The following SRPK3 variants were observed in gnomAD, a reference collection of about 807,000 sequenced individuals.
SRPK3 encodes SRSF protein kinase 3.
A neutral mutation model predicts 45.3 loss-of-function variants in SRPK3; 26 were observed. The observed-to-expected ratio is 0.57, with a 90% confidence interval of 0.42 to 0.80. The LOEUF is 0.80. Ranked by LOEUF, SRPK3 falls within the 30% of genes least tolerant of loss-of-function variation. The pLI is 0.00. For missense variants in SRPK3, 536 were observed against 514.5 expected (o/e 1.04, Z -0.40); for synonymous variants, 254 against 226.6 (o/e 1.12, Z -1.09).
Position 153,782,760 on chromosome X carries a change from C to G in SRPK3, c.476-12C>G, listed in dbSNP as rs2092059236. The G allele has an allele frequency of 8.4e-7, 1 of 1,193,821 alleles. No homozygotes were observed. The highest frequency in any genetic ancestry group is 1.8e-5 in the South Asian group (1 of 54,704). The stretch of plus-strand genomic sequence containing the variant: ...GCTGGTGTCCACTGGCCGCCCTTCA[C>G]TCCCAGCCCAGATGTGTGCATGGTG... On this transcript the variant is annotated splice_polypyrimidine_tract_variant and intron_variant, in intron 5 of 14. Coordinates refer to ENST00000370101, the MANE Select transcript of SRPK3 (RefSeq NM_014370.4).
rs1406608476 is a variant in SRPK3, at chrX:153,785,606, C to T, written c.*86C>T. On this transcript the variant is annotated 3_prime_UTR_variant, in exon 15 of 15. Coordinates refer to ENST00000370101, the MANE Select transcript of SRPK3 (RefSeq NM_014370.4). ...ACCACCCTGCTGGGCGCCAGTTCTC[C>T]ACAACCACAGGGCAGAGAGACGCTG... is the stretch of plus-strand genomic sequence containing the variant. 1 of 1,096,402 alleles carries T rather than the reference C, an allele frequency of 9.1e-7. No individual in the cohort carries two copies. Among genetic ancestry groups the T allele is most frequent in the Non-Finnish European group, 1.2e-6 (1 of 813,844 alleles). The allele number at this position is 1,096,402 out of a possible 1,213,427, so 90.4% of individuals were successfully genotyped here. A position where few individuals can be genotyped will look rare whatever the true frequency, so the allele number is the denominator to read the frequency against.
intron 2 of SRPK3, 79 bp downstream of exon 2, chrX:153,781,425 A>G: frequency 8.5e-7 from 1 of 1,174,134 alleles, no homozygotes; most frequent in Non-Finnish European, 1.1e-6. Flanking sequence ...CATGGGCCAG[A>G]TGGTCAATGG....
chrX:153,781,059 C>T lies in SRPK3; in HGVS notation c.-28C>T, dbSNP rs1027580329. ...GCCCCACAGGAGCAGCCGCCCGGGG[C>T]ACCGGAGCTGCGGGCTGCGTGGCCG... On this transcript the variant is annotated 5_prime_UTR_variant, in exon 1 of 15. Coordinates refer to ENST00000370101, the MANE Select transcript of SRPK3 (RefSeq NM_014370.4). 107 of 1,039,038 alleles carry T rather than the reference C, an allele frequency of 1.0e-4. No individual in the cohort carries two copies. The highest frequency in any genetic ancestry group is 1.3e-4 in the Non-Finnish European group (104 of 816,673). The allele number at this position is 1,039,038 out of a possible 1,213,427, so 85.6% of individuals were successfully genotyped here.
rs781924438 is a variant in SRPK3 at position 153,781,733 on chromosome X, G to A, written c.300-10G>A. On this transcript the variant is annotated splice_polypyrimidine_tract_variant and intron_variant, in intron 3 of 14. Coordinates refer to ENST00000370101, the MANE Select transcript of SRPK3 (RefSeq NM_014370.4). ...CAGGGCCACAGCCTACAAGGGTCTCGGTATTGCAGGCGCAAGCGCTTTGTG... is the reference window on the plus strand; with the variant it reads ...CAGGGCCACAGCCTACAAGGGTCTCAGTATTGCAGGCGCAAGCGCTTTGTG... 8 of 1,209,846 alleles carry A rather than the reference G, an allele frequency of 6.6e-6. No individual in the cohort carries two copies. Among genetic ancestry groups the A allele is most frequent in the Admixed American group, 2.2e-5 (1 of 45,964 alleles).
At position 153,784,190 on chromosome X, in the gene SRPK3, C is replaced by T. The variant is rs1557068080; in HGVS notation, c.1124C>T (p.Thr375Ile). 2 of 1,210,902 alleles carry T rather than the reference C, an allele frequency of 1.7e-6. No individual in the cohort carries two copies. The highest frequency in any genetic ancestry group is 1.7e-5 in the African/African-American group (1 of 57,892). ...TCCGGCTCGTCCAATCAGCGAGAGA[C>T]CGGGGGCCTCCTGTCGCCTAGCAGT... ...ILSGSSNQRETGGLLSPSTPF... is the reference protein window; with the variant it reads ...ILSGSSNQREIGGLLSPSTPF... Residue 375 changes from threonine (T) to isoleucine (I), a missense_variant, in exon 10 of 15, where the codon ACC (threonine) becomes ATC (isoleucine). Thr to Ile is a moderately conservative substitution (Grantham distance 89, BLOSUM62 -1). Transcript: ENST00000370101.
intron 6 of SRPK3, 23 bp downstream of exon 6, chrX:153,782,901 C>T (rs2092059918): frequency 3.3e-6 from 4 of 1,199,330 alleles, no homozygotes; most frequent in Non-Finnish European, 4.5e-6. Context: ...CACTGGGCTG[C>T]CCAGCCTGGC....
intron 4 of SRPK3, 56 bp from the exon 5 acceptor site, chrX:153,782,065 G>A: frequency 9.2e-7 from 1 of 1,083,111 alleles, no homozygotes; most frequent in African/African-American, 1.8e-5. Flanking sequence ...ACTGAAGGGA[G>A]CTGTGGGCTT....
At position 153,784,405 on chromosome X, in the gene SRPK3, G is replaced by A. The variant is rs1557068227; in HGVS notation, c.1248+11G>A. The A allele has an allele frequency of 1.7e-6, 2 of 1,203,603 alleles. No individual in the cohort carries two copies. Among genetic ancestry groups the A allele is most frequent in the Non-Finnish European group, 2.2e-6 (2 of 890,571 alleles). ...AACGCCTGCTGGGTGGTATGAGCAA[G>A]TGTGGGAGAGCAGAGTGGGGGGCCC... On this transcript the variant is annotated intron_variant, in intron 11 of 14. Transcript: ENST00000370101.
rs782415471 is a variant in SRPK3 at position 153,785,627 on chromosome X, C to T, written c.*107C>T. ...TCTCCACAACCACAGGGCAGAGAGA[C>T]GCTGGAGCCAGGCCCGGCTCTCAGA... On this transcript the variant is annotated 3_prime_UTR_variant, in exon 15 of 15. Coordinates refer to ENST00000370101, the MANE Select transcript of SRPK3 (RefSeq NM_014370.4). 4.5e-5 allele frequency: 46 copies of T among 1,020,392 alleles called. No individual in the cohort carries two copies. The highest frequency in any genetic ancestry group is 1.5e-4 in the African/African-American group (8 of 52,855). 84.1% of individuals were successfully genotyped at this position (1,020,392 alleles called of 1,213,427 possible).
rs782043348 is a variant in SRPK3, at chrX:153,783,104, C to A, written c.734C>A (p.Pro245His). The change falls in exon 7 of 15, where the codon CCC becomes CAC. Residue 245 changes from proline to histidine, a missense_variant. Physicochemically the swap from Pro to His is moderately conservative, Grantham distance 77. Transcript: ENST00000370101. The stretch of plus-strand genomic sequence containing the variant: ...TGGCAACAGGCAGGGGCGCCGCCCC[C>A]CTCCCGCTCCATAGGTACCAAGGGC... ...TEWQQAGAPP[P>H]SRSIVSTAPQ... 4.3e-6 allele frequency: 5 copies of A among 1,164,281 alleles called. No homozygotes were observed. The highest frequency in any genetic ancestry group is 3.0e-5 in the East Asian group (1 of 33,325).
rs376127813 is a variant in SRPK3, at chrX:153,784,104, G to A, written c.1038G>A (p.Ala346=). 16 of 1,209,377 alleles carry A rather than the reference G, an allele frequency of 1.3e-5. No homozygotes were observed. Among genetic ancestry groups the A allele is most frequent in the African/African-American group, 1.2e-4 (7 of 57,364 alleles). Residue 346 remains alanine, a synonymous_variant, in exon 10 of 15, where the codon GCG becomes GCA. Transcript: ENST00000370101. ...CAGGGGGCGGCCGTAGCCTCAGCGC[G>A]GGCTCACAGACCTCAGGCTTCTCCG... ...PAPGGGRSLS[A]GSQTSGFSGS...
At chrX:153,781,380 G>A (rs2092050873) in intron 2 of SRPK3, 34 bp downstream of exon 2, 5 of 1,173,241 alleles carry the variant, frequency 4.3e-6, no homozygotes, top group Non-Finnish European at 4.6e-6. Flanking sequence ...GCGGCCTCAC[G>A]GCCACTGCAG....
chrX:153,782,739 G>T lies in SRPK3; in HGVS notation c.476-33G>T, dbSNP rs781870624. The T allele has an allele frequency of 1.3e-5, 15 of 1,165,308 alleles. No homozygotes were observed. In the African/African-American group the frequency reaches 2.5e-4, roughly 19 times the overall value. The stretch of plus-strand genomic sequence containing the variant: ...GTGGGTGGGGCCTGTGCCGCAGCTG[G>T]TGTCCACTGGCCGCCCTTCACTCCC... On this transcript the variant is annotated intron_variant, in intron 5 of 14. Transcript: ENST00000370101.
chrX:153,785,562 GA>G lies in SRPK3; in HGVS notation c.*46del. ...ACCTCCAGCTCTCCGTGCCTTAAGG[GA>G]AAAGCGGGACAGCTCCCACCACCCT... On this transcript the variant is annotated 3_prime_UTR_variant, in exon 15 of 15. Transcript: ENST00000370101. 1 of 1,179,522 alleles carries G rather than the reference GA, an allele frequency of 8.5e-7. No homozygotes were observed. The highest frequency in any genetic ancestry group is 1.1e-6 in the Non-Finnish European group (1 of 873,896).
rs781858431 is a variant in SRPK3, at chrX:153,781,992, A to T, written c.388-129A>T. ...GGGGGAGGATCTGGAGGAACAGGCG[A>T]GGGACAGGAGGGGTTGGCGGCCTTT... On this transcript the variant is annotated intron_variant, in intron 4 of 14. Coordinates refer to ENST00000370101, the MANE Select transcript of SRPK3 (RefSeq NM_014370.4). 244 of 851,662 alleles carry T rather than the reference A, an allele frequency of 2.9e-4. 4 individuals carry two copies. The South Asian group carries it at 5.0e-3, about 17-fold the overall frequency. 70.2% of individuals were successfully genotyped at this position (851,662 alleles called of 1,213,427 possible).
rs1569542426 is a variant in SRPK3, at chrX:153,781,546, C to T, written c.232C>T (p.Arg78Trp). ...GAAGATCGGCGACGTGTTCAATGGG[C>T]GGTACCACGTGGTGCGCAAACTGGG... Reference protein sequence around the residue: ...PVKIGDVFNGRYHVVRKLGWG... With the variant: ...PVKIGDVFNGWYHVVRKLGWG... The change falls in exon 3 of 15, where the codon CGG becomes TGG. Residue 78 changes from arginine (R) to tryptophan (W), a missense_variant. Arg to Trp is a moderately radical substitution (Grantham distance 101). Transcript: ENST00000370101. 4 of 1,209,502 alleles carry T rather than the reference C, an allele frequency of 3.3e-6. No homozygotes were observed. The highest frequency in any genetic ancestry group is 2.2e-6 in the Non-Finnish European group (2 of 895,008).
Position 153,784,314 on chromosome X carries a change from C to T in SRPK3, c.1168C>T (p.Leu390Phe). The change falls in exon 11 of 15, where the codon CTC becomes TTC. Residue 390 changes from leucine (L) to phenylalanine (F), a missense_variant. Transcript: ENST00000370101. ...SPSTPFGASN[L>F]LVNPLEPQNA... ...CCCAGCACCATTCGGTGCCTCGAAC[C>T]TCCTGGTGAACCCCCTGGAGCCCCA... 1.7e-6 allele frequency: 2 copies of T among 1,211,651 alleles called. No individual in the cohort carries two copies. Among genetic ancestry groups the T allele is most frequent in the Non-Finnish European group, 2.2e-6 (2 of 895,593 alleles).
chrX:153,784,773 C>T lies in SRPK3; in HGVS notation c.1272C>T (p.Ile424=), dbSNP rs1557068387. The T allele has an allele frequency of 2.5e-6, 3 of 1,210,628 alleles. No homozygotes were observed. Among genetic ancestry groups the T allele is most frequent in the Non-Finnish European group, 2.2e-6 (2 of 895,413 alleles). Residue 424 remains isoleucine, a synonymous_variant, in exon 12 of 15, where the codon ATC becomes ATT. Transcript: ENST00000370101. Reference sequence around the variant, plus strand: ...AGCACAAGCACTTCACGGAAGACATCCAGACTCGGCAGTACCGGGCCGTCG... The same window carrying T: ...AGCACAAGCACTTCACGGAAGACATTCAGACTCGGCAGTACCGGGCCGTCG... ...CWVHKHFTED[I]QTRQYRAVEV...
In SRPK3 at chrX:153,785,072, T is replaced by C. The variant is rs1557068568; in HGVS notation, c.1427-9T>C. 2.5e-6 allele frequency: 3 copies of C among 1,210,442 alleles called. No homozygotes were observed. The highest frequency in any genetic ancestry group is 1.7e-5 in the African/African-American group (1 of 57,687). On this transcript the variant is annotated splice_polypyrimidine_tract_variant and intron_variant, in intron 13 of 14. Coordinates refer to ENST00000370101, the MANE Select transcript of SRPK3 (RefSeq NM_014370.4). ...CTGCCTGCCCCCAACCTCCTCTTTC[T>C]GCCCACAGACCACATCGCTCACATA... is the stretch of plus-strand genomic sequence containing the variant.
Sources: allele counts gnomAD v4.1 joint callset, GRCh38; gene constraint gnomAD v4.1.1; transcripts MANE v1.5; gene names NCBI Gene and HGNC (gene_info 2026-07-23, HGNC 2026-07-21).